Variants in COX7B2 observed in about 807,000 individuals in gnomAD.
COX7B2 encodes cytochrome c oxidase subunit 7B2, mitochondrial.
For missense variants in COX7B2, 109 were observed against 95.9 expected, an observed-to-expected ratio of 1.14 and a Z score of -0.57; for synonymous variants, 37 against 32.1, an observed-to-expected ratio of 1.15 and a Z score of -0.51.
chr4:46,779,944 T>TA (rs1210939344), intron 2 of COX7B2, among the ~76,000 whole-genome samples: 13 of 152,136 alleles, frequency 8.5e-5, no homozygotes, highest in Non-Finnish European at 1.6e-4. Context: ...TATGGTATAG[T>TA]AAAAATGTGT....
At chr4:46,899,241 T>A (rs1719941514) in intron 1 of COX7B2, among the ~76,000 whole-genome samples, 1 of 152,164 alleles carries the variant, frequency 6.6e-6, no homozygotes, top group Non-Finnish European at 1.5e-5. Context: ...AATAATTCCA[T>A]CTGTAGCAAT....
At chr4:46,895,918 C>T (rs1013642698) in intron 1 of COX7B2, among the ~76,000 whole-genome samples, 1 of 152,138 alleles carries the variant, frequency 6.6e-6, no homozygotes, top group African/African-American at 2.4e-5. Context: ...ATTGCACTTT[C>T]ACCACCTTTA....
At chr4:46,892,718 G>A (rs559206727) in intron 1 of COX7B2, among the ~76,000 whole-genome samples, 4 of 152,148 alleles carry the variant, frequency 2.6e-5, no homozygotes, top group African/African-American at 7.2e-5. Flanking sequence ...GTCATTTTAT[G>A]TCCAGACCAC....
At chr4:46,797,601 C>T (rs1050318147) in intron 2 of COX7B2, among the ~76,000 whole-genome samples, 5 of 152,128 alleles carry the variant, frequency 3.3e-5, no homozygotes, top group African/African-American at 7.2e-5. Flanking sequence ...AAACCAAAAG[C>T]GACACCACTT....
At chr4:46,755,667 G>T (rs540770443) in intron 2 of COX7B2, among the ~76,000 whole-genome samples, 1 of 151,910 alleles carries the variant, frequency 6.6e-6, no homozygotes, top group African/African-American at 2.4e-5. Context: ...TTCTATACAC[G>T]AATAATAATC....
At chr4:46,822,740 A>G (rs1714391765) in intron 2 of COX7B2, among the ~76,000 whole-genome samples, 1 of 152,158 alleles carries the variant, frequency 6.6e-6, no homozygotes, top group Non-Finnish European at 1.5e-5. Context: ...GGCCTATTAA[A>G]TCCCAGATTC....
chr4:46,861,765 C>A (rs991374329), intron 1 of COX7B2, among the ~76,000 whole-genome samples: 4 of 152,178 alleles, frequency 2.6e-5, no homozygotes, highest in African/African-American at 9.7e-5. Context: ...TACTTCCAGG[C>A]ACGAAGCAGC....
chr4:46,764,533 A>G (rs1483123035), intron 2 of COX7B2, among the ~76,000 whole-genome samples: 3 of 151,386 alleles, frequency 2.0e-5, no homozygotes, highest in Non-Finnish European at 4.4e-5. Flanking sequence ...ACAGAGTGAG[A>G]CTCAGTCTCA....
At chr4:46,744,100 G>A (rs1021817101) in intron 2 of COX7B2, among the ~76,000 whole-genome samples, 1 of 151,762 alleles carries the variant, frequency 6.6e-6, no homozygotes, top group African/African-American at 2.4e-5. Context: ...TGACCCAATG[G>A]TCCCATAGTT....
chr4:46,765,714 C>T (rs1381284138), intron 2 of COX7B2, among the ~76,000 whole-genome samples: 1 of 152,022 alleles, frequency 6.6e-6, no homozygotes, highest in African/African-American at 2.4e-5. Context: ...TCACTGCACA[C>T]CAAGGCTCCA....
chr4:46,754,734 A>ATATATATATATATATG, intron 2 of COX7B2, among the ~76,000 whole-genome samples: 1 of 126,088 alleles, frequency 7.9e-6, no homozygotes. Context: ...GTGTGTATAT[A>ATATATATATATATATG]TATATATATA....
intron 1 of COX7B2, among the ~76,000 whole-genome samples, chr4:46,896,475 C>A (rs747668538): frequency 3.3e-5 from 5 of 152,104 alleles, no homozygotes; most frequent in Non-Finnish European, 7.4e-5. Flanking sequence ...AACAATTACA[C>A]CAGCATTGTA....
At chr4:46,904,593 G>A (rs1720264835) in intron 1 of COX7B2, among the ~76,000 whole-genome samples, 1 of 152,106 alleles carries the variant, frequency 6.6e-6, no homozygotes, top group African/African-American at 2.4e-5. Context: ...TAAGAAGAAT[G>A]CAAAATAGTA....
At chr4:46,811,715 T>C (rs565543125) in intron 2 of COX7B2, among the ~76,000 whole-genome samples, 1 of 152,346 alleles carries the variant, frequency 6.6e-6, no homozygotes, top group African/African-American at 2.4e-5. Flanking sequence ...TTCATGTTTC[T>C]TGTGTCTCTG....
At chr4:46,829,857 T>C (rs1714948210) in intron 2 of COX7B2, among the ~76,000 whole-genome samples, 1 of 152,198 alleles carries the variant, frequency 6.6e-6, no homozygotes, top group African/African-American at 2.4e-5. Context: ...ATAAAGATTT[T>C]GAACTTTATT....
At chr4:46,840,554 A>G (rs1472513993) in intron 2 of COX7B2, among the ~76,000 whole-genome samples, 1 of 152,030 alleles carries the variant, frequency 6.6e-6, no homozygotes, top group Non-Finnish European at 1.5e-5. Flanking sequence ...CATCCTGCCC[A>G]CTAATGGCTG....
intron 1 of COX7B2, among the ~76,000 whole-genome samples, chr4:46,878,020 TACACACAC>T (rs58928264): frequency 1.4e-5 from 2 of 147,574 alleles, no homozygotes; most frequent in Non-Finnish European, 3.0e-5. Flanking sequence ...TTGTAGTGCA[TACACACAC>T]ACACACACAC....
In COX7B2 at chr4:46,782,260, G is replaced by C. The variant is rs1178960096; in HGVS notation, c.-49-47019C>G. Among the ~76,000 whole-genome samples, 7 of 152,176 alleles carry C rather than the reference G, an allele frequency of 4.6e-5. No individual in the cohort carries two copies. In the East Asian group the frequency reaches 1.4e-3, roughly 30 times the overall value. The stretch of plus-strand genomic sequence containing the variant: ...ATGTAGCTAATCTGGTGGGGACTTG[G>C]AGAACTTTTATGTCTAGCCAGAGGA... On this transcript the variant is annotated intron_variant, in intron 2 of 2. Transcript: ENST00000355591.
intron 2 of COX7B2, among the ~76,000 whole-genome samples, chr4:46,817,436 T>G (rs1259741983): frequency 2.0e-5 from 3 of 152,148 alleles, no homozygotes; most frequent in Non-Finnish European, 4.4e-5. Flanking sequence ...GTCCCCCAGG[T>G]CTATAGGCTC....
Sources: gnomAD v4.1 joint callset for allele counts (sites outside exome capture counted in the v4.1 genomes callset) on GRCh38, gnomAD v4.1.1 for gene constraint, MANE v1.5 for transcripts, NCBI Gene and HGNC (gene_info 2026-07-23, HGNC 2026-07-21) for gene names.